The following ATP10D variants were observed in gnomAD, a reference collection of about 807,000 sequenced individuals.
The protein encoded by ATP10D is phospholipid-transporting ATPase VD.
Under a neutral mutation model 144.8 loss-of-function variants are expected in ATP10D, and 89 were observed. The observed-to-expected ratio is 0.61, with a 90% CI of 0.52 to 0.73. The LOEUF is 0.73. ATP10D is among the 30% of genes least tolerant of loss of function. ATP10D has a pLI of 0.00. For missense variants in ATP10D, 1,603 were observed against 1,714.8 expected (o/e 0.93, Z 1.15); for synonymous variants, 571 against 615.1 (o/e 0.93, Z 1.06).
chr4:47,528,279 A>G (rs1717360445), intron 5 of ATP10D, among the ~76,000 whole-genome samples: 1 of 151,732 alleles, frequency 6.6e-6, no homozygotes, highest in African/African-American at 2.4e-5. Context: ...CCCAGTGTCT[A>G]TTATTTCCCT....
chr4:47,534,935 G>C (rs756951594), intron 5 of ATP10D, among the ~76,000 whole-genome samples: 5 of 151,978 alleles, frequency 3.3e-5, no homozygotes, highest in Non-Finnish European at 5.9e-5. Flanking sequence ...CGGTAGAATG[G>C]ATAAAGAAAA....
At chr4:47,580,228 T>C (rs1720440907) in intron 19 of ATP10D, among the ~76,000 whole-genome samples, 170 bp from the exon 20 acceptor site, 1 of 152,242 alleles carries the variant, frequency 6.6e-6, no homozygotes, top group Admixed American at 6.5e-5. Flanking sequence ...TCATGTTTAC[T>C]TGTGAACCCA....
At chr4:47,500,100 C>A (rs1387849197) in intron 1 of ATP10D, among the ~76,000 whole-genome samples, 1 of 152,222 alleles carries the variant, frequency 6.6e-6, no homozygotes, top group Non-Finnish European at 1.5e-5. Context: ...TTTACTCATT[C>A]ATTCTTGGGT....
In ATP10D at chr4:47,504,590, T is replaced by C. The variant is rs1185358133; in HGVS notation, c.-37-7914T>C. ...TTTTTTTTTTCTTTTTGAGATGGAGTCTCACTCTGTGGCCCAGGCTGGAGT... is the reference window on the plus strand; with the variant it reads ...TTTTTTTTTTCTTTTTGAGATGGAGCCTCACTCTGTGGCCCAGGCTGGAGT... On this transcript the variant is annotated intron_variant, in intron 1 of 22. Coordinates refer to ENST00000273859, the MANE Select transcript of ATP10D (RefSeq NM_020453.4). Among the ~76,000 whole-genome samples, 2 of 151,384 alleles carry C rather than the reference T, an allele frequency of 1.3e-5. 1 individual carries two copies. The highest frequency in any genetic ancestry group is 1.3e-4 in the Admixed American group (2 of 15,204).
intron 5 of ATP10D, among the ~76,000 whole-genome samples, chr4:47,530,981 A>G (rs1351241782): frequency 1.3e-5 from 2 of 152,108 alleles, no homozygotes; most frequent in Non-Finnish European, 2.9e-5. Flanking sequence ...TGTCCTTGCC[A>G]GATTTGGGTA....
At chr4:47,532,462 C>G (rs1049882334) in intron 5 of ATP10D, among the ~76,000 whole-genome samples, 4 of 152,206 alleles carry the variant, frequency 2.6e-5, no homozygotes, top group Admixed American at 6.5e-5. Context: ...CAGATTCTGC[C>G]TTCACTAGTG....
intron 1 of ATP10D, among the ~76,000 whole-genome samples, chr4:47,503,149 C>T (rs1017045336): frequency 6.6e-6 from 1 of 152,154 alleles, no homozygotes; most frequent in Non-Finnish European, 1.5e-5. Context: ...TTGCAGTGAG[C>T]CGAGACCGGA....
intron 1 of ATP10D, among the ~76,000 whole-genome samples, chr4:47,488,612 C>CAAAAAAAAAAAAAAAA (rs56859197): frequency 5.3e-4 from 48 of 91,306 alleles, no homozygotes; most frequent in African/African-American, 6.8e-4. Context: ...ATATAATAAG[C>CAAAAAAAAAAAAAAAA]AAAAAAAAAA....
At chr4:47,549,673 A>G (rs772553936) in intron 10 of ATP10D, among the ~76,000 whole-genome samples, 4 of 152,254 alleles carry the variant, frequency 2.6e-5, no homozygotes, top group Non-Finnish European at 5.9e-5. Context: ...TGTATTAAAG[A>G]TGTAGTCATA....
Position 47,557,716 on chromosome 4 carries a change from A to G in ATP10D, c.1877A>G (p.Lys626Arg), listed in dbSNP as rs766741560. ...GLPIKSLEEI[K>R]SLFQRWSVRR... ...CCCATTAAGTCTTTGGAAGAGATTA[A>G]AAGTCTTTTCCAGAGATGGTCTGTC... is the stretch of plus-strand genomic sequence containing the variant. Residue 626 changes from lysine (K) to arginine (R), a missense_variant, in exon 12 of 23, where the codon AAA becomes AGA. By Grantham distance (26) the Lys-to-Arg change is conservative. Transcript: ENST00000273859. The G allele has an allele frequency of 3.7e-6, 6 of 1,614,044 alleles. No homozygotes were observed. Among genetic ancestry groups the G allele is most frequent in the South Asian group, 2.2e-5 (2 of 91,084 alleles).
At chr4:47,562,848 C>T (rs1177538468) in intron 14 of ATP10D, among the ~76,000 whole-genome samples, 1 of 150,190 alleles carries the variant, frequency 6.7e-6, no homozygotes, top group Non-Finnish European at 1.5e-5. Context: ...TATATATACA[C>T]ACACACACAC....
At position 47,591,387 on chromosome 4, in the gene ATP10D, C is replaced by T. The variant is rs1236279016; in HGVS notation, c.*6C>T. On this transcript the variant is annotated 3_prime_UTR_variant, in exon 23 of 23. Coordinates refer to ENST00000273859, the MANE Select transcript of ATP10D (RefSeq NM_020453.4). ...CCAAAGGTAAAGAAAGCTAGATACC[C>T]TCCTTGGAGTTGCAAGTATTCTTTC... The T allele has an allele frequency of 1.3e-6, 2 of 1,571,638 alleles. No homozygotes were observed. Among genetic ancestry groups the T allele is most frequent in the Non-Finnish European group, 1.7e-6 (2 of 1,158,682 alleles).
rs73813578 is a variant in ATP10D at position 47,524,806 on chromosome 4, C to T, written c.691-751C>T. Among the ~76,000 whole-genome samples the T allele has an allele frequency of 4.6e-3, 702 of 152,042 alleles. 10 individuals carry two copies. The highest frequency in any genetic ancestry group is 0.016 in the African/African-American group (669 of 41,450). ...AAGTGCATAATAGATTTTAGTGCGT[C>T]GAAAGAACTCCATGGATATTGCTCA... On this transcript the variant is annotated intron_variant, in intron 4 of 22. Transcript: ENST00000273859.
chr4:47,543,017 C>G (rs1416707358), intron 9 of ATP10D, among the ~76,000 whole-genome samples: 2 of 152,018 alleles, frequency 1.3e-5, no homozygotes, highest in African/African-American at 4.8e-5. Context: ...ACAGTATTAC[C>G]CCCTTATCTG....
intron 1 of ATP10D, among the ~76,000 whole-genome samples, chr4:47,511,484 G>C (rs1235851021): frequency 2.0e-5 from 3 of 152,240 alleles, no homozygotes; most frequent in East Asian, 1.9e-4. Context: ...CATGAGAATT[G>C]CTTGAACCCC....
At chr4:47,590,998 C>A (rs1209095547) in intron 22 of ATP10D, 44 bp from the exon 23 acceptor site, 3 of 1,248,682 alleles carry the variant, frequency 2.4e-6, no homozygotes, top group Non-Finnish European at 3.3e-6. Context: ...TTCTGTAATG[C>A]ATTTGAGATG....
At chr4:47,554,954 G>C (rs777825202) in intron 11 of ATP10D, 40 bp downstream of exon 11, 5 of 1,572,314 alleles carry the variant, frequency 3.2e-6, no homozygotes, top group Non-Finnish European at 4.4e-6. Flanking sequence ...TCACTTTCCA[G>C]AAGAGAATTT....
intron 22 of ATP10D, among the ~76,000 whole-genome samples, chr4:47,588,388 C>T (rs929655549): frequency 6.6e-6 from 1 of 152,144 alleles, no homozygotes; most frequent in Non-Finnish European, 1.5e-5. Context: ...ACAGCGTCAA[C>T]AAACTGTGGC....
At position 47,572,855 on chromosome 4, in the gene ATP10D, C is replaced by T; in HGVS notation, c.3241-17C>T. On this transcript the variant is annotated splice_polypyrimidine_tract_variant and intron_variant, in intron 17 of 22. Coordinates refer to ENST00000273859, the MANE Select transcript of ATP10D (RefSeq NM_020453.4). ...TTGATCACTCAGGATGGCATTCTCT[C>T]CCCATTGCATCTGCAGGCTGTGATG... 6.2e-7 allele frequency: 1 copy of T among 1,613,980 alleles called. No homozygotes were observed.
Sources: allele counts gnomAD v4.1 joint callset (sites outside exome capture counted in the v4.1 genomes callset), GRCh38; gene constraint gnomAD v4.1.1; transcripts MANE v1.5; gene names NCBI Gene and HGNC (gene_info 2026-07-23, HGNC 2026-07-21).